Variants in MBD2 observed in about 807,000 individuals in gnomAD.
MBD2 encodes methyl-CpG binding domain protein 2, also known as methyl-CpG-binding domain protein 2.
A neutral mutation model predicts 39.3 loss-of-function variants in MBD2; 9 were observed. The ratio of observed to expected loss-of-function variants is 0.23; its 90% confidence interval spans 0.14 to 0.40. MBD2 has a LOEUF of 0.40. MBD2 is among the 10% of genes least tolerant of loss of function. MBD2 has a pLI of 1.00. For missense variants in MBD2, 458 were observed against 532.6 expected (o/e 0.86, Z 1.38); for synonymous variants, 233 against 211.1 (o/e 1.10, Z -0.90).
intron 5 of MBD2, 134 bp downstream of exon 5, chr18:54,164,387 ACT>A (rs1429546818): frequency 4.1e-6 from 3 of 725,866 alleles, no homozygotes; most frequent in African/African-American, 3.6e-5. Flanking sequence ...TTTCTGAAAA[ACT>A]CTGTTAAAAA....
chr18:54,157,580 C>A (rs2086062232), intron 6 of MBD2, among the ~76,000 whole-genome samples: 1 of 152,104 alleles, frequency 6.6e-6, no homozygotes, highest in Non-Finnish European at 1.5e-5. Context: ...TCTGTATGGT[C>A]AGGAAACTGT....
At chr18:54,190,119 C>T (rs2144312104) in intron 2 of MBD2, among the ~76,000 whole-genome samples, 1 of 152,202 alleles carries the variant, frequency 6.6e-6, no homozygotes, top group South Asian at 2.1e-4. Context: ...CAAATATGTA[C>T]AAATGGTAGT....
chr18:54,221,558 C>G lies in MBD2; in HGVS notation c.542+2460G>C, dbSNP rs1599116119. Among the ~76,000 whole-genome samples the G allele has an allele frequency of 2.6e-5, 4 of 151,646 alleles. No homozygotes were observed. The Admixed American group carries it at 2.6e-4, about 10-fold the overall frequency. On this transcript the variant is annotated intron_variant, in intron 1 of 6. Transcript: ENST00000256429. ...AGCACTGGCCGAGGCAGGTGGATCA[C>G]AAGGTCAGGAGTTCGACACCAGCCT... is the stretch of plus-strand genomic sequence containing the variant.
intron 3 of MBD2, among the ~76,000 whole-genome samples, chr18:54,171,218 A>G (rs2086177348): frequency 6.6e-6 from 1 of 152,022 alleles, no homozygotes; most frequent in African/African-American, 2.4e-5. Context: ...CCTGACCAAG[A>G]TGGTGAAACC....
At chr18:54,218,814 T>C (rs1213584972) in intron 1 of MBD2, among the ~76,000 whole-genome samples, 2 of 152,008 alleles carry the variant, frequency 1.3e-5, no homozygotes, top group Non-Finnish European at 2.9e-5. Flanking sequence ...ATACCAAAAT[T>C]AGCCAGGCGT....
intron 5 of MBD2, among the ~76,000 whole-genome samples, chr18:54,160,975 GAA>G (rs35601988): frequency 8.8e-5 from 13 of 147,332 alleles, no homozygotes; most frequent in Non-Finnish European, 1.3e-4. Flanking sequence ...GGGTTCTACT[GAA>G]AAAAAAAAAG....
chr18:54,155,739 T>C (rs916249498), intron 6 of MBD2, among the ~76,000 whole-genome samples: 1 of 152,236 alleles, frequency 6.6e-6, no homozygotes, highest in African/African-American at 2.4e-5. Context: ...TTCTTTCACA[T>C]GAGAGCATTT....
intron 1 of MBD2, chr18:54,222,211 C>G (rs1323796190): frequency 2.8e-6 from 1 of 354,474 alleles, no homozygotes; most frequent in Non-Finnish European, 5.7e-6. Context: ...GTGAACGGCA[C>G]TAAATGAAAC....
At chr18:54,198,314 C>A (rs1003380264) in intron 2 of MBD2, among the ~76,000 whole-genome samples, 1 of 152,206 alleles carries the variant, frequency 6.6e-6, no homozygotes, top group African/African-American at 2.4e-5. Context: ...TGGCTCTTCA[C>A]CTACTCCCTC....
chr18:54,212,371 G>C (rs1460980268), intron 1 of MBD2, among the ~76,000 whole-genome samples: 1 of 152,122 alleles, frequency 6.6e-6, no homozygotes, highest in Non-Finnish European at 1.5e-5. Flanking sequence ...AAATAATCAT[G>C]AACTGCCTGT....
intron 3 of MBD2, among the ~76,000 whole-genome samples, chr18:54,182,956 G>A (rs1028260386): frequency 6.6e-6 from 1 of 151,998 alleles, no homozygotes. Context: ...ACAAAAAGCA[G>A]AGAGATTAGA....
chr18:54,200,686 T>C (rs143044216), intron 2 of MBD2, among the ~76,000 whole-genome samples: 2,623 of 152,160 alleles, frequency 0.017, 77 homozygotes, highest in African/African-American at 0.06. Context: ...TTTATTTGCA[T>C]ATTGAGGCGC....
At chr18:54,200,297 G>A (rs936641750) in intron 2 of MBD2, among the ~76,000 whole-genome samples, 14 of 152,194 alleles carry the variant, frequency 9.2e-5, no homozygotes, top group African/African-American at 3.4e-4. Flanking sequence ...TGTAGAATAT[G>A]TCATATGTCA....
Position 54,154,247 on chromosome 18 carries a change from T to C in MBD2, c.*1077A>G, listed in dbSNP as rs906633940. 3 of 152,210 alleles carry C rather than the reference T, an allele frequency of 2.0e-5. No individual in the cohort carries two copies. Among genetic ancestry groups the C allele is most frequent in the Admixed American group, 6.5e-5 (1 of 15,280 alleles). The allele number at this position is 152,210 out of a possible 1,614,324, so 9.4% of individuals were successfully genotyped here. ...AATAATGTAATGCTAGTTTTCATAA[T>C]TAAATATCAATAAATTCAAGTGGTA... On this transcript the variant is annotated 3_prime_UTR_variant, in exon 7 of 7. Transcript: ENST00000256429.
intron 5 of MBD2, among the ~76,000 whole-genome samples, chr18:54,161,607 A>G (rs1457063511): frequency 6.6e-6 from 1 of 152,244 alleles, no homozygotes; most frequent in Admixed American, 6.5e-5. Context: ...AGTAATTTGG[A>G]TGGAGAATTT....
intron 1 of MBD2, among the ~76,000 whole-genome samples, chr18:54,213,896 C>T (rs2086532271): frequency 6.6e-6 from 1 of 151,798 alleles, no homozygotes; most frequent in Non-Finnish European, 1.5e-5. Context: ...ATATATCTTA[C>T]ATATATACAT....
At chr18:54,194,545 T>TTGTG (rs994606157) in intron 2 of MBD2, among the ~76,000 whole-genome samples, 1 of 148,440 alleles carries the variant, frequency 6.7e-6, no homozygotes, top group Non-Finnish European at 1.5e-5. Flanking sequence ...TATATAGAAG[T>TTGTG]TGTGTGTGTG....
intron 2 of MBD2, among the ~76,000 whole-genome samples, chr18:54,192,853 A>T (rs560156093): frequency 1.1e-4 from 17 of 152,288 alleles, no homozygotes; most frequent in South Asian, 2.1e-4. Context: ...CCTGGCTAAA[A>T]TATTTAAGAT....
At chr18:54,187,171 A>T (rs148927399) in intron 3 of MBD2, among the ~76,000 whole-genome samples, 1 of 152,216 alleles carries the variant, frequency 6.6e-6, no homozygotes, top group Non-Finnish European at 1.5e-5. Flanking sequence ...TCTTTAAATA[A>T]AACATTTGGG....
Sources: gnomAD v4.1 joint callset for allele counts (sites outside exome capture counted in the v4.1 genomes callset) on GRCh38, gnomAD v4.1.1 for gene constraint, MANE v1.5 for transcripts, NCBI Gene and HGNC (gene_info 2026-07-23, HGNC 2026-07-21) for gene names.